Variants in PIAS2 observed in about 807,000 individuals in gnomAD.
The protein encoded by PIAS2 is E3 SUMO-protein ligase PIAS2.
Under a neutral mutation model 69.7 loss-of-function variants are expected in PIAS2, and 19 were observed. That is an observed-to-expected ratio of 0.27 (90% CI 0.19 to 0.40). The LOEUF (loss-of-function observed/expected upper bound fraction) is 0.40. PIAS2 is among the 10% of genes least tolerant of loss of function. The probability of loss-of-function intolerance (pLI) is 1.00; values close to 1 mark genes in which losing one functional copy is unlikely to be tolerated. For synonymous variants in PIAS2, 261 were observed against 263.2 expected, an observed-to-expected ratio of 0.99 and a Z score of 0.08; for missense variants, 624 against 757.0, an observed-to-expected ratio of 0.82 and a Z score of 2.06.
chr18:46,874,603 C>A (rs775133864), intron 2 of PIAS2, among the ~76,000 whole-genome samples: 1 of 152,206 alleles, frequency 6.6e-6, no homozygotes, highest in Non-Finnish European at 1.5e-5. Context: ...CATTGCCTTA[C>A]TGAGGGTCTG....
intron 2 of PIAS2, among the ~76,000 whole-genome samples, chr18:46,885,343 C>A (rs886699584): frequency 6.6e-6 from 1 of 151,774 alleles, no homozygotes; most frequent in African/African-American, 2.4e-5. Flanking sequence ...ATAGTGAAAC[C>A]CCGTCTCTAT....
At chr18:46,824,856 C>CA (rs1315259418) in intron 11 of PIAS2, among the ~76,000 whole-genome samples, 3 of 147,842 alleles carry the variant, frequency 2.0e-5, no homozygotes, top group Admixed American at 6.8e-5. Flanking sequence ...AAAAAAAACA[C>CA]AAAAAAATTA....
intron 2 of PIAS2, among the ~76,000 whole-genome samples, chr18:46,875,505 C>T (rs780739912): frequency 2.6e-5 from 4 of 152,150 alleles, no homozygotes; most frequent in Admixed American, 6.5e-5. Context: ...TGTTATAGGA[C>T]GGGACCCCAT....
intron 10 of PIAS2, 54 bp from the exon 11 acceptor site, chr18:46,828,184 C>T: frequency 1.4e-6 from 2 of 1,473,888 alleles, no homozygotes; most frequent in Non-Finnish European, 1.8e-6. Context: ...CACAAATAAA[C>T]TCTAGTGGTA....
chr18:46,881,909 C>T (rs576126657), intron 2 of PIAS2, among the ~76,000 whole-genome samples: 3 of 152,206 alleles, frequency 2.0e-5, no homozygotes, highest in Admixed American at 6.5e-5. Flanking sequence ...CCAGCCTGGC[C>T]GACATGGTGA....
intron 12 of PIAS2, among the ~76,000 whole-genome samples, chr18:46,819,988 CA>C (rs1442029511): frequency 5.9e-5 from 9 of 152,132 alleles, no homozygotes; most frequent in Non-Finnish European, 8.8e-5. Flanking sequence ...CAACTGCAGT[CA>C]GAAAATATCA....
chr18:46,834,003 C>T (rs983365313), intron 9 of PIAS2, among the ~76,000 whole-genome samples: 1 of 145,250 alleles, frequency 6.9e-6, no homozygotes, highest in South Asian at 2.2e-4. Flanking sequence ...ACCTTCACAG[C>T]ACTTTACACT....
chr18:46,822,346 C>A (rs2042264856), intron 11 of PIAS2, among the ~76,000 whole-genome samples: 1 of 152,092 alleles, frequency 6.6e-6, no homozygotes, highest in Non-Finnish European at 1.5e-5. Flanking sequence ...AAAACTGATC[C>A]ATTTAGGAAG....
chr18:46,857,262 T>C (rs530548040), intron 3 of PIAS2, among the ~76,000 whole-genome samples: 4 of 152,344 alleles, frequency 2.6e-5, no homozygotes, highest in South Asian at 2.1e-4. Context: ...TTCTGGGTGC[T>C]GGAGCTTCAA....
At chr18:46,898,676 G>T (rs967965760) in intron 1 of PIAS2, among the ~76,000 whole-genome samples, 1 of 151,924 alleles carries the variant, frequency 6.6e-6, no homozygotes. Context: ...TTTGCAAGAG[G>T]TACATTAAAA....
chr18:46,876,855 C>G (rs1346626278), intron 2 of PIAS2, among the ~76,000 whole-genome samples: 1 of 152,068 alleles, frequency 6.6e-6, no homozygotes, highest in Non-Finnish European at 1.5e-5. Context: ...TGCCACCAAG[C>G]CCAGCTAAAT....
At chr18:46,857,093 A>T (rs2047957012) in intron 3 of PIAS2, among the ~76,000 whole-genome samples, 1 of 152,250 alleles carries the variant, frequency 6.6e-6, no homozygotes, top group African/African-American at 2.4e-5. Flanking sequence ...ACATGGGAGC[A>T]GCTGGCTGCT....
intron 2 of PIAS2, among the ~76,000 whole-genome samples, chr18:46,886,102 A>T (rs770569188): frequency 2.0e-5 from 3 of 152,154 alleles, no homozygotes; most frequent in Non-Finnish European, 4.4e-5. Context: ...CTACTACAGC[A>T]TCTTCACTTA....
At chr18:46,884,601 C>T (rs1191931389) in intron 2 of PIAS2, among the ~76,000 whole-genome samples, 6 of 151,924 alleles carry the variant, frequency 3.9e-5, no homozygotes, top group Admixed American at 3.3e-4. Context: ...TGTGAGCCAC[C>T]GCACCTGGCC....
intron 1 of PIAS2, among the ~76,000 whole-genome samples, chr18:46,896,165 C>CAAAAAAAAAAAAAAAAAAAAAAAAAAAGA (rs1199712335): frequency 1.6e-4 from 5 of 31,912 alleles, no homozygotes; most frequent in East Asian, 8.9e-4. Flanking sequence ...AAGAAAAAAG[C>CAAAAAAAAAAAAAAAAAAAAAAAAAAAGA]AAAAAAAAAA....
In PIAS2 at chr18:46,846,700, C is replaced by CT; in HGVS notation, c.861+6dup. The CT allele has an allele frequency of 6.2e-7, 1 of 1,611,488 alleles. No homozygotes were observed. Among genetic ancestry groups the CT allele is most frequent in the Non-Finnish European group, 8.5e-7 (1 of 1,178,754 alleles). On this transcript the variant is annotated splice_region_variant and intron_variant, in intron 6 of 13. Transcript: ENST00000585916. ...CTGTCCTGCTACCCAAAACGGAGAG[C>CT]TTTTACCTTCCCAATTTCTGATGCC... is the stretch of plus-strand genomic sequence containing the variant.
At chr18:46,847,717 C>T (rs556041377) in intron 5 of PIAS2, among the ~76,000 whole-genome samples, 3 of 152,028 alleles carry the variant, frequency 2.0e-5, no homozygotes, top group East Asian at 1.9e-4. Flanking sequence ...CTCCTGACCT[C>T]GTGATCAGCC....
chr18:46,897,857 C>T (rs1409001695), intron 1 of PIAS2, among the ~76,000 whole-genome samples: 4 of 151,336 alleles, frequency 2.6e-5, no homozygotes, highest in African/African-American at 9.7e-5. Context: ...CTAGATAATA[C>T]AAGGCAATAT....
intron 12 of PIAS2, among the ~76,000 whole-genome samples, chr18:46,819,738 G>A (rs188423804): frequency 3.4e-4 from 51 of 152,198 alleles, no homozygotes; most frequent in Admixed American, 9.2e-4. Flanking sequence ...AAGGGCCTTC[G>A]GAGAGAAGGG....
Sources: allele counts gnomAD v4.1 joint callset (sites outside exome capture counted in the v4.1 genomes callset), GRCh38; gene constraint gnomAD v4.1.1; transcripts MANE v1.5; gene names NCBI Gene and HGNC (gene_info 2026-07-23, HGNC 2026-07-21).